AOPEP: variants seen among roughly 807,000 people sequenced by gnomAD.
AOPEP encodes aminopeptidase O.
A neutral mutation model predicts 98.1 loss-of-function variants in AOPEP; 77 were observed. The observed-to-expected ratio is 0.78, with a 90% CI of 0.65 to 0.95. The LOEUF is 0.95. AOPEP is among the 40% of genes least tolerant of loss of function. The pLI is 0.00. For missense variants in AOPEP, 1,024 were observed against 1,024.7 expected (o/e 1.00, Z 0.01); for synonymous variants, 346 against 365.3 (o/e 0.95, Z 0.60).
intron 5 of AOPEP, among the ~76,000 whole-genome samples, chr9:94,887,173 C>T (rs543343711): frequency 7.9e-5 from 12 of 151,090 alleles, no homozygotes; most frequent in East Asian, 5.9e-4. Flanking sequence ...AGACCCCCCC[C>T]GTCTCTACAA....
At chr9:94,729,973 T>G (rs1375561385) in intron 1 of AOPEP, among the ~76,000 whole-genome samples, 2 of 151,980 alleles carry the variant, frequency 1.3e-5, no homozygotes, top group Non-Finnish European at 2.9e-5. Context: ...ATGTCACAGG[T>G]GGAACTCTTC....
chr9:94,846,118 T>C (rs2135005135), intron 5 of AOPEP, among the ~76,000 whole-genome samples: 1 of 149,706 alleles, frequency 6.7e-6, no homozygotes, highest in East Asian at 2.0e-4. Flanking sequence ...AAAATTTGAG[T>C]CTGAAATGGC....
chr9:94,960,239 A>G (rs137975812), intron 9 of AOPEP, among the ~76,000 whole-genome samples: 4,320 of 151,982 alleles, frequency 0.028, 224 homozygotes, highest in African/African-American at 0.099. Flanking sequence ...GTGAAATCCC[A>G]TCTCTACTAA....
At chr9:95,134,229 T>C in the AOPEP span, among the ~76,000 whole-genome samples, 1 of 152,108 alleles carries the variant, frequency 6.6e-6, no homozygotes, top group African/African-American at 2.4e-5. Flanking sequence ...ACTGATTCCA[T>C]TAGGATTCCC....
Position 95,005,206 on chromosome 9 carries a change from C to CA in AOPEP, c.2028dup (p.Val677SerfsTer28). ...CGGGGCGGAGTGCGGGCTTGCGCGG[C>CA]AAGTGCGCGCCGAGGTGAGTGCGGG... is the stretch of plus-strand genomic sequence containing the variant. On this transcript the variant is annotated frameshift_variant, in exon 12 of 17. Coordinates refer to ENST00000375315, the MANE Select transcript of AOPEP (RefSeq NM_001193329.3). LOFTEE classifies it high-confidence loss of function. 1 of 1,128,246 alleles carries CA rather than the reference C, an allele frequency of 8.9e-7. No individual in the cohort carries two copies. Among genetic ancestry groups the CA allele is most frequent in the Non-Finnish European group, 1.1e-6 (1 of 920,870 alleles). The allele number at this position is 1,128,246 out of a possible 1,614,324, so 69.9% of individuals were successfully genotyped here.
chr9:94,928,420 A>G lies in AOPEP; in HGVS notation c.1555-5A>G. ...ATGTGTGTCTGTGTGTCTGTGGCTG[A>G]GCAGCTGGCCCCCTATGAGGCCCGG... On this transcript the variant is annotated splice_region_variant and splice_polypyrimidine_tract_variant and intron_variant, in intron 6 of 16. Transcript: ENST00000375315. 6.5e-6 allele frequency: 10 copies of G among 1,544,966 alleles called. No homozygotes were observed. Among genetic ancestry groups the G allele is most frequent in the Non-Finnish European group, 8.7e-6 (10 of 1,145,726 alleles).
At chr9:94,963,160 A>G (rs2058969570) in intron 9 of AOPEP, among the ~76,000 whole-genome samples, 2 of 151,990 alleles carry the variant, frequency 1.3e-5, no homozygotes. Context: ...CCTTCCTTCA[A>G]TATTTTGTTT....
chr9:94,743,542 T>C (rs1833750529), intron 1 of AOPEP, among the ~76,000 whole-genome samples: 1 of 152,210 alleles, frequency 6.6e-6, no homozygotes, highest in Admixed American at 6.5e-5. Context: ...AAGCAACAAC[T>C]AGAGTGTTAG....
intron 5 of AOPEP, among the ~76,000 whole-genome samples, chr9:94,913,462 G>A (rs146688218): frequency 1.1e-3 from 167 of 152,286 alleles, no homozygotes; most frequent in African/African-American, 3.9e-3. Flanking sequence ...CTCGACAAGC[G>A]TGCCATGGTG....
At chr9:95,005,975 C>G (rs1425898984) in intron 13 of AOPEP, 1 of 487,592 alleles carries the variant, frequency 2.1e-6, no homozygotes, top group South Asian at 1.6e-5. Flanking sequence ...TATTAGGTTT[C>G]CATGCTGTAC....
chr9:95,028,255 G>A (rs868226759), intron 13 of AOPEP, among the ~76,000 whole-genome samples: 2 of 152,354 alleles, frequency 1.3e-5, no homozygotes, highest in South Asian at 4.1e-4. Context: ...AGGCACTTTT[G>A]TCATGTGGTG....
chr9:94,924,180 G>A lies in AOPEP; in HGVS notation c.1554+5G>A, dbSNP rs775265885. On this transcript the variant is annotated splice_donor_5th_base_variant and intron_variant, in intron 6 of 16. Coordinates refer to ENST00000375315, the MANE Select transcript of AOPEP (RefSeq NM_001193329.3). Reference sequence around the variant, plus strand: ...TTTTGGGCCACAGCACAGCAGGTGGGTTAAAGTGACCCTAAGTATTTCACT... The same window carrying A: ...TTTTGGGCCACAGCACAGCAGGTGGATTAAAGTGACCCTAAGTATTTCACT... 2.2e-6 allele frequency: 3 copies of A among 1,365,956 alleles called. No individual in the cohort carries two copies. In the South Asian group the frequency reaches 5.5e-5, roughly 25 times the overall value. The allele number at this position is 1,365,956 out of a possible 1,614,324, so 84.6% of individuals were successfully genotyped here.
At chr9:94,763,851 G>C (rs1382374139) in intron 2 of AOPEP, among the ~76,000 whole-genome samples, 1 of 152,202 alleles carries the variant, frequency 6.6e-6, no homozygotes, top group Non-Finnish European at 1.5e-5. Context: ...CATTAGTCCA[G>C]CTGATGTGAA....
intron 3 of AOPEP, among the ~76,000 whole-genome samples, chr9:94,784,688 C>T: frequency 6.6e-6 from 1 of 152,038 alleles, no homozygotes; most frequent in Non-Finnish European, 1.5e-5. Context: ...CAATCTTGGC[C>T]CACTGCAACC....
At chr9:94,866,153 G>A (rs1333783031) in intron 5 of AOPEP, among the ~76,000 whole-genome samples, 2 of 152,200 alleles carry the variant, frequency 1.3e-5, no homozygotes, top group Non-Finnish European at 2.9e-5. Context: ...CAGGAGGGCC[G>A]AGCACACAAA....
At chr9:94,985,029 G>A (rs1173887534) in intron 11 of AOPEP, among the ~76,000 whole-genome samples, 1 of 152,236 alleles carries the variant, frequency 6.6e-6, no homozygotes, top group Non-Finnish European at 1.5e-5. Context: ...TTCCTGAGGT[G>A]TGAACCACAA....
Position 94,759,660 on chromosome 9 carries a change from G to T in AOPEP, c.-124G>T. ...TCCTTTTTTGCCAGGAGACTGAAAG[G>T]AACCATAATTTGTGACATCAGTTGT... On this transcript the variant is annotated 5_prime_UTR_variant, in exon 2 of 17. Transcript: ENST00000375315. 1 of 776,694 alleles carries T rather than the reference G, an allele frequency of 1.3e-6. No individual in the cohort carries two copies. The highest frequency in any genetic ancestry group is 2.0e-5 in the South Asian group (1 of 50,254). 48.1% of individuals were successfully genotyped at this position (776,694 alleles called of 1,614,324 possible).
At chr9:95,034,049 C>G (rs2064558046) in intron 13 of AOPEP, among the ~76,000 whole-genome samples, 1 of 152,178 alleles carries the variant, frequency 6.6e-6, no homozygotes, top group Non-Finnish European at 1.5e-5. Context: ...GAATTGCTGT[C>G]TAAATGACGT....
chr9:94,977,056 C>T (rs1004964304), intron 10 of AOPEP, among the ~76,000 whole-genome samples: 1 of 152,188 alleles, frequency 6.6e-6, no homozygotes, highest in Non-Finnish European at 1.5e-5. Context: ...GGCACAGAAA[C>T]GTCCCTCTCT....
Sources: gnomAD v4.1 joint callset for allele counts (sites outside exome capture counted in the v4.1 genomes callset) on GRCh38, gnomAD v4.1.1 for gene constraint, MANE v1.5 for transcripts, NCBI Gene and HGNC (gene_info 2026-07-23, HGNC 2026-07-21) for gene names.